The following SEMA3A variants were observed in gnomAD, a reference collection of about 807,000 sequenced individuals.
SEMA3A encodes semaphorin 3A, also known as semaphorin-3A.
In SEMA3A, 29 loss-of-function variants were observed where a neutral mutation model predicts 97.9. That is an observed-to-expected ratio of 0.30 (90% CI 0.22 to 0.40). SEMA3A has a LOEUF of 0.40. Ranked by LOEUF, SEMA3A falls within the 10% of genes least tolerant of loss-of-function variation. The probability of loss-of-function intolerance (pLI) is 1.00; values close to 1 mark genes in which losing one functional copy is unlikely to be tolerated. For missense variants in SEMA3A, 763 were observed against 951.3 expected (o/e 0.80, Z 2.60); for synonymous variants, 321 against 323.7 (o/e 0.99, Z 0.09).
intron 1 of SEMA3A, among the ~76,000 whole-genome samples, chr7:84,377,416 A>G (rs1408605746): frequency 6.6e-6 from 1 of 152,054 alleles, no homozygotes; most frequent in African/African-American, 2.4e-5. Flanking sequence ...GGCTGTAAAT[A>G]TATGGTTTTA....
chr7:84,257,266 AT>A (rs201454511), intron 3 of SEMA3A, among the ~76,000 whole-genome samples: 10,906 of 147,916 alleles, frequency 0.074, 533 homozygotes, highest in Middle Eastern at 0.092. Flanking sequence ...GGGCACTTTA[AT>A]TTTTTTTTTT....
chr7:84,116,141 A>G (rs1795423274), intron 3 of SEMA3A, among the ~76,000 whole-genome samples: 1 of 152,136 alleles, frequency 6.6e-6, no homozygotes, highest in Admixed American at 6.6e-5. Context: ...CCTAATATCA[A>G]AAATTAATTT....
intron 3 of SEMA3A, among the ~76,000 whole-genome samples, chr7:84,265,082 G>A (rs1293177874): frequency 2.6e-5 from 4 of 152,044 alleles, no homozygotes; most frequent in African/African-American, 9.7e-5. Flanking sequence ...CTTGAGTTTT[G>A]TTTAGAATTT....
chr7:84,175,833 C>A (rs1054562926), intron 1 of SEMA3A, among the ~76,000 whole-genome samples: 5 of 151,900 alleles, frequency 3.3e-5, no homozygotes, highest in African/African-American at 1.2e-4. Flanking sequence ...AAGCTGGGTA[C>A]GTGAATCCTA....
intron 3 of SEMA3A, among the ~76,000 whole-genome samples, chr7:84,296,759 T>C (rs908217306): frequency 1.3e-5 from 2 of 152,130 alleles, no homozygotes; most frequent in Non-Finnish European, 2.9e-5. Context: ...TTTCACATTG[T>C]GAGTAGCAAA....
chr7:84,099,396 A>T (rs1794885248), intron 4 of SEMA3A, among the ~76,000 whole-genome samples: 1 of 152,182 alleles, frequency 6.6e-6, no homozygotes, highest in East Asian at 1.9e-4. Context: ...AGAAAAGTGC[A>T]TTTGAATTAC....
At chr7:83,971,794 C>G (rs1025569917) in intron 15 of SEMA3A, among the ~76,000 whole-genome samples, 8 of 152,120 alleles carry the variant, frequency 5.3e-5, no homozygotes, top group Non-Finnish European at 1.2e-4. Flanking sequence ...AAAATTTAAA[C>G]TTGTAATTTT....
intron 10 of SEMA3A, among the ~76,000 whole-genome samples, chr7:84,006,742 A>C (rs573157496): frequency 1.3e-5 from 2 of 152,318 alleles, no homozygotes; most frequent in African/African-American, 4.8e-5. Context: ...ATCTTACAAG[A>C]AGCTTAGAAT....
intron 1 of SEMA3A, among the ~76,000 whole-genome samples, chr7:84,170,722 C>CA (rs1193285083): frequency 6.6e-6 from 1 of 151,926 alleles, no homozygotes; most frequent in East Asian, 1.9e-4. Flanking sequence ...TGGATGTGTA[C>CA]AATTGATCCT....
At chr7:84,135,116 CTTTT>C (rs34940395) in intron 1 of SEMA3A, among the ~76,000 whole-genome samples, 165 bp from the exon 2 acceptor site, 5 of 133,744 alleles carry the variant, frequency 3.7e-5, no homozygotes, top group Admixed American at 7.6e-5. Context: ...GTGCATTTTA[CTTTT>C]TTTTTTTTTT....
At chr7:84,141,779 A>C (rs1453814302) in intron 1 of SEMA3A, among the ~76,000 whole-genome samples, 1 of 152,174 alleles carries the variant, frequency 6.6e-6, no homozygotes, top group Non-Finnish European at 1.5e-5. Flanking sequence ...AACTGAGAAC[A>C]TGCAGTATTT....
chr7:84,127,300 C>G (rs1023401571), intron 3 of SEMA3A, among the ~76,000 whole-genome samples: 85 of 152,134 alleles, frequency 5.6e-4, no homozygotes, highest in African/African-American at 2.0e-3. Context: ...AATATCTTAT[C>G]ACCCTGGCTG....
chr7:84,104,790 T>C (rs1390419119), intron 4 of SEMA3A, among the ~76,000 whole-genome samples: 2 of 151,444 alleles, frequency 1.3e-5, no homozygotes, highest in Non-Finnish European at 2.9e-5. Flanking sequence ...TGAGTTGTTA[T>C]CTCAGAATTT....
At chr7:84,083,753 A>T (rs1455350685) in intron 4 of SEMA3A, among the ~76,000 whole-genome samples, 1 of 152,096 alleles carries the variant, frequency 6.6e-6, no homozygotes, top group East Asian at 1.9e-4. Context: ...AAGACTTTTT[A>T]TCTTAACATT....
intron 3 of SEMA3A, among the ~76,000 whole-genome samples, chr7:84,250,318 T>C (rs1799579133): frequency 6.6e-6 from 1 of 152,150 alleles, no homozygotes; most frequent in African/African-American, 2.4e-5. Flanking sequence ...AACATTTAAC[T>C]GTTTAATTGC....
intron 1 of SEMA3A, among the ~76,000 whole-genome samples, chr7:84,178,514 T>C (rs911186594): frequency 6.6e-6 from 1 of 152,192 alleles, no homozygotes; most frequent in South Asian, 2.1e-4. Flanking sequence ...TAGTGGGTTA[T>C]ATTGTCCAAG....
intron 6 of SEMA3A, among the ~76,000 whole-genome samples, chr7:84,032,454 G>C (rs1171415179): frequency 1.3e-5 from 2 of 152,084 alleles, no homozygotes; most frequent in Non-Finnish European, 2.9e-5. Flanking sequence ...TCTCTACAAA[G>C]AAGAATAACA....
At chr7:84,160,223 GTCTATCTATCTATCTATCTATCTATCTA>G (rs61107978) in intron 1 of SEMA3A, among the ~76,000 whole-genome samples, 51 of 149,492 alleles carry the variant, frequency 3.4e-4, no homozygotes, top group African/African-American at 1.0e-3. Flanking sequence ...CTATCAATCT[GTCTATCTATCTATCTATCTATCTATCTA>G]TCTATCTATC....
intron 6 of SEMA3A, among the ~76,000 whole-genome samples, chr7:84,016,795 T>C (rs146814203): frequency 1.3e-5 from 2 of 152,302 alleles, no homozygotes; most frequent in Non-Finnish European, 2.9e-5. Context: ...AAATATACTA[T>C]ATTAACATCG....
Sources: allele counts gnomAD v4.1 joint callset (sites outside exome capture counted in the v4.1 genomes callset), GRCh38; gene constraint gnomAD v4.1.1; transcripts MANE v1.5; gene names NCBI Gene and HGNC (gene_info 2026-07-23, HGNC 2026-07-21).